The following EDIL3 variants were observed in gnomAD, a reference collection of about 807,000 sequenced individuals.
EDIL3 encodes EGF like and discoidin domains 3, also known as EGF-like repeat and discoidin I-like domain-containing protein 3.
A neutral mutation model predicts 67.4 loss-of-function variants in EDIL3; 37 were observed. That is an observed-to-expected ratio of 0.55 (90% confidence interval 0.42 to 0.72). The LOEUF is 0.72. Among genes scored for constraint, EDIL3 ranks in the 30% least tolerant of loss-of-function variants. EDIL3 has a pLI of 0.00. For missense variants in EDIL3, 527 were observed against 586.3 expected (o/e 0.90, Z 1.04); for synonymous variants, 195 against 196.3 (o/e 0.99, Z 0.05).
At chr5:84,368,804 G>T (rs1747789151) in intron 1 of EDIL3, among the ~76,000 whole-genome samples, 1 of 151,890 alleles carries the variant, frequency 6.6e-6, no homozygotes, top group African/African-American at 2.4e-5. Context: ...TTCAAAAATG[G>T]GCAAAGGAAT....
At chr5:84,262,353 A>G (rs1157619511) in intron 1 of EDIL3, among the ~76,000 whole-genome samples, 1 of 152,172 alleles carries the variant, frequency 6.6e-6, no homozygotes, top group African/African-American at 2.4e-5. Context: ...GGAAGGAGGG[A>G]AAGAGGAAGT....
chr5:84,345,118 C>G (rs112498112), intron 1 of EDIL3, among the ~76,000 whole-genome samples: 2,798 of 152,204 alleles, frequency 0.018, 101 homozygotes, highest in African/African-American at 0.063. Flanking sequence ...CTCTACAGCA[C>G]AAATCTATTT....
intron 1 of EDIL3, among the ~76,000 whole-genome samples, chr5:84,357,705 A>G (rs1747517447): frequency 6.6e-6 from 1 of 152,088 alleles, no homozygotes; most frequent in Admixed American, 6.6e-5. Context: ...CCTGGATGGC[A>G]TGGTGAAACC....
chr5:84,362,405 G>C (rs1747628428), intron 1 of EDIL3, among the ~76,000 whole-genome samples: 1 of 152,046 alleles, frequency 6.6e-6, no homozygotes, highest in Non-Finnish European at 1.5e-5. Context: ...CAAATAAAAT[G>C]GCTGATTCAT....
intron 9 of EDIL3, among the ~76,000 whole-genome samples, chr5:84,027,603 C>T (rs1392119114): frequency 7.5e-6 from 1 of 133,236 alleles, no homozygotes; most frequent in Non-Finnish European, 1.7e-5. Flanking sequence ...TATGAGATAG[C>T]CTTGAAATGT....
chr5:84,210,954 C>A (rs1443192251), intron 3 of EDIL3, among the ~76,000 whole-genome samples: 1 of 152,166 alleles, frequency 6.6e-6, no homozygotes, highest in African/African-American at 2.4e-5. Flanking sequence ...TTATTTAGTA[C>A]ATCTACTGTC....
intron 3 of EDIL3, among the ~76,000 whole-genome samples, chr5:84,228,563 C>T (rs1278733923): frequency 6.6e-6 from 1 of 152,018 alleles, no homozygotes; most frequent in African/African-American, 2.4e-5. Context: ...AGGCTATAGA[C>T]TATCTAACAA....
intron 4 of EDIL3, among the ~76,000 whole-genome samples, chr5:84,176,203 ATATATATAT>A (rs1298664518): frequency 1.0e-4 from 1 of 9,950 alleles, no homozygotes; most frequent in African/African-American, 4.1e-4. Flanking sequence ...TATATAATAT[ATATATATAT>A]ATATATATAT....
chr5:84,020,085 A>AAAAC (rs986953770), intron 9 of EDIL3, among the ~76,000 whole-genome samples: 2 of 151,584 alleles, frequency 1.3e-5, no homozygotes, highest in Admixed American at 1.3e-4. Context: ...ACAAAAAAAA[A>AAAAC]AAAAAACGCA....
intron 1 of EDIL3, among the ~76,000 whole-genome samples, chr5:84,383,965 G>A (rs1023498926): frequency 6.6e-6 from 1 of 152,098 alleles, no homozygotes; most frequent in Non-Finnish European, 1.5e-5. Context: ...AGTCAGCATC[G>A]CCCGCACTGC....
intron 4 of EDIL3, among the ~76,000 whole-genome samples, chr5:84,138,880 C>T (rs1748139083): frequency 6.6e-6 from 1 of 152,100 alleles, no homozygotes; most frequent in Non-Finnish European, 1.5e-5. Context: ...TACCTCATAA[C>T]TTCAAATAAT....
At chr5:84,096,462 T>G (rs1310043286) in intron 6 of EDIL3, among the ~76,000 whole-genome samples, 1 of 152,208 alleles carries the variant, frequency 6.6e-6, no homozygotes, top group Admixed American at 6.5e-5. Context: ...CCAATGGATT[T>G]TGGACTTGCC....
chr5:84,315,496 T>A (rs1392458), intron 1 of EDIL3, among the ~76,000 whole-genome samples: 67,769 of 152,022 alleles, frequency 0.45, 15,333 homozygotes, highest in South Asian at 0.49. Context: ...AAAATTTTTT[T>A]AAAAAAGATT....
chr5:84,350,372 A>G (rs1394497722), intron 1 of EDIL3, among the ~76,000 whole-genome samples: 1 of 152,016 alleles, frequency 6.6e-6, no homozygotes, highest in Non-Finnish European at 1.5e-5. Flanking sequence ...AGTGAGGTTG[A>G]GTATTCTTTG....
chr5:84,248,484 C>T (rs1744955365), intron 2 of EDIL3, among the ~76,000 whole-genome samples: 1 of 152,184 alleles, frequency 6.6e-6, no homozygotes, highest in Non-Finnish European at 1.5e-5. Flanking sequence ...TTCCTCTATT[C>T]TTTCCCATGT....
chr5:83,947,952 A>T (rs1199368557), intron 10 of EDIL3, among the ~76,000 whole-genome samples: 2 of 151,864 alleles, frequency 1.3e-5, no homozygotes, highest in African/African-American at 4.8e-5. Flanking sequence ...CATTCCATTG[A>T]CTAACATCTG....
chr5:84,124,694 A>C (rs1747835729), intron 5 of EDIL3, among the ~76,000 whole-genome samples: 1 of 151,862 alleles, frequency 6.6e-6, no homozygotes, highest in South Asian at 2.1e-4. Context: ...GGAACAAAAA[A>C]AAATAGTTTT....
intron 9 of EDIL3, among the ~76,000 whole-genome samples, chr5:84,011,351 A>G (rs957294486): frequency 3.3e-5 from 5 of 152,180 alleles, no homozygotes; most frequent in African/African-American, 1.2e-4. Flanking sequence ...GTCCATCTTT[A>G]AAATTTATAC....
intron 9 of EDIL3, among the ~76,000 whole-genome samples, chr5:83,998,018 G>C (rs1310950377): frequency 3.9e-5 from 6 of 152,096 alleles, no homozygotes; most frequent in Admixed American, 3.9e-4. Context: ...GCAAGCTAAA[G>C]TACTCTGGGA....
Sources: allele counts gnomAD v4.1 joint callset (sites outside exome capture counted in the v4.1 genomes callset), GRCh38; gene constraint gnomAD v4.1.1; transcripts MANE v1.5; gene names NCBI Gene and HGNC (gene_info 2026-07-23, HGNC 2026-07-21).